Variants in SEMA3C observed in about 807,000 individuals in gnomAD.
The protein encoded by SEMA3C is semaphorin 3C.
In SEMA3C, 47 loss-of-function variants were observed where a neutral mutation model predicts 89.4. That is an observed-to-expected ratio of 0.53 (90% CI 0.42 to 0.67). The LOEUF is 0.67. Ranked by LOEUF, SEMA3C falls within the 30% of genes least tolerant of loss-of-function variation. SEMA3C has a pLI of 0.00. For missense variants in SEMA3C, 839 were observed against 929.1 expected (o/e 0.90, Z 1.26); for synonymous variants, 310 against 320.2 (o/e 0.97, Z 0.34).
At chr7:80,863,825 G>GATATAT (rs1414021930) in intron 2 of SEMA3C, among the ~76,000 whole-genome samples, 3 of 103,498 alleles carry the variant, frequency 2.9e-5, no homozygotes, top group Non-Finnish European at 5.4e-5. Flanking sequence ...ATATATATGT[G>GATATAT]ATATGTGATA....
intron 5 of SEMA3C, among the ~76,000 whole-genome samples, chr7:80,811,886 T>A (rs17154479): frequency 0.014 from 2,117 of 152,244 alleles, 61 homozygotes; most frequent in Admixed American, 0.068. Context: ...ATTTATATAG[T>A]CGCAATCAAC....
At chr7:80,863,895 C>CGTG (rs1790854080) in intron 2 of SEMA3C, among the ~76,000 whole-genome samples, 1 of 126,502 alleles carries the variant, frequency 7.9e-6, no homozygotes, top group Admixed American at 7.7e-5. Context: ...ATATATCACA[C>CGTG]ATATATTACA....
At chr7:80,881,017 C>T (rs1254815417) in intron 2 of SEMA3C, among the ~76,000 whole-genome samples, 1 of 152,006 alleles carries the variant, frequency 6.6e-6, no homozygotes, top group Non-Finnish European at 1.5e-5. Context: ...GCAAATATTC[C>T]ATCACAATTA....
chr7:80,801,950 A>G (rs73137738), intron 9 of SEMA3C, among the ~76,000 whole-genome samples: 11,580 of 152,178 alleles, frequency 0.076, 471 homozygotes, highest in Non-Finnish European at 0.098. Flanking sequence ...GGTAACACAG[A>G]TTTATAACTT....
intron 12 of SEMA3C, among the ~76,000 whole-genome samples, chr7:80,785,290 C>T (rs1190399691): frequency 6.6e-6 from 1 of 152,174 alleles, no homozygotes; most frequent in African/African-American, 2.4e-5. Context: ...ATCCTATTTG[C>T]ATTCCAATGA....
chr7:80,765,251 A>T lies in SEMA3C; in HGVS notation c.1355-8T>A, dbSNP rs772719280. 14 of 1,597,740 alleles carry T rather than the reference A, an allele frequency of 8.8e-6. No individual in the cohort carries two copies. In the African/African-American group the frequency reaches 1.6e-4, roughly 19 times the overall value. ...TTTGCACAGTACCCCGATCTAAATT[A>T]AAAAAAGAAGAAATGAGATGTTACA... On this transcript the variant is annotated splice_region_variant and splice_polypyrimidine_tract_variant and intron_variant, in intron 12 of 17. Coordinates refer to ENST00000265361, the MANE Select transcript of SEMA3C (RefSeq NM_006379.5).
chr7:80,911,269 A>C (rs890947485), intron 2 of SEMA3C, among the ~76,000 whole-genome samples: 1 of 152,192 alleles, frequency 6.6e-6, no homozygotes, highest in Admixed American at 6.5e-5. Context: ...TCTTAAAACT[A>C]ATTCTCATGG....
At chr7:80,821,686 CATTT>C (rs145474791) in intron 4 of SEMA3C, among the ~76,000 whole-genome samples, 11,469 of 152,200 alleles carry the variant, frequency 0.075, 454 homozygotes, top group Non-Finnish European at 0.097. Flanking sequence ...GTTTTTGTAA[CATTT>C]ATTAATATTC....
chr7:80,834,655 G>C (rs577513312), intron 2 of SEMA3C, among the ~76,000 whole-genome samples: 4 of 152,212 alleles, frequency 2.6e-5, no homozygotes, highest in Admixed American at 6.6e-5. Flanking sequence ...TCAAAAATGT[G>C]AACTTGATAA....
At chr7:80,815,409 G>C (rs899499898) in intron 5 of SEMA3C, among the ~76,000 whole-genome samples, 1 of 151,758 alleles carries the variant, frequency 6.6e-6, no homozygotes, top group African/African-American at 2.4e-5. Flanking sequence ...ATAGAGATTA[G>C]GAGCACAAAA....
intron 11 of SEMA3C, among the ~76,000 whole-genome samples, chr7:80,797,727 C>T (rs1010284521): frequency 4.5e-4 from 68 of 152,206 alleles, no homozygotes; most frequent in African/African-American, 1.5e-3. Flanking sequence ...AGGCCGGGTG[C>T]GGTGGCTCAC....
chr7:80,822,283 G>C (rs1054971787), intron 4 of SEMA3C, among the ~76,000 whole-genome samples: 3 of 151,868 alleles, frequency 2.0e-5, no homozygotes, highest in African/African-American at 7.3e-5. Context: ...GCTGATCTAG[G>C]GGTAAAGATT....
Position 80,744,217 on chromosome 7 carries a change from A to T in SEMA3C, c.*677T>A, listed in dbSNP as rs900141358. On this transcript the variant is annotated 3_prime_UTR_variant, in exon 18 of 18. Coordinates refer to ENST00000265361, the MANE Select transcript of SEMA3C (RefSeq NM_006379.5). ...TAAACCAAACTGCTTCACTGATATA[A>T]CTCCCACCAAATATCTTCATGGGGT... The T allele has an allele frequency of 5.3e-5, 8 of 152,088 alleles. No individual in the cohort carries two copies. The highest frequency in any genetic ancestry group is 1.9e-4 in the African/African-American group (8 of 41,402). The allele number at this position is 152,088 out of a possible 1,614,324, so 9.4% of individuals were successfully genotyped here.
At chr7:80,779,380 T>C (rs1381039833) in intron 12 of SEMA3C, among the ~76,000 whole-genome samples, 1 of 152,218 alleles carries the variant, frequency 6.6e-6, no homozygotes, top group Non-Finnish European at 1.5e-5. Flanking sequence ...ATCTGATTGC[T>C]GATTCTCTCT....
At chr7:80,837,250 C>T (rs1300800679) in intron 2 of SEMA3C, among the ~76,000 whole-genome samples, 1 of 152,168 alleles carries the variant, frequency 6.6e-6, no homozygotes, top group Non-Finnish European at 1.5e-5. Flanking sequence ...GATGTTAACA[C>T]ATAGGAATGC....
At chr7:80,785,033 A>G (rs1189022334) in intron 12 of SEMA3C, among the ~76,000 whole-genome samples, 2 of 151,722 alleles carry the variant, frequency 1.3e-5, no homozygotes, top group Non-Finnish European at 2.9e-5. Flanking sequence ...TCCTCCCTCC[A>G]TTTTTTCCTT....
chr7:80,751,403 A>G, intron 15 of SEMA3C, 67 bp from the exon 16 acceptor site: 1 of 1,417,232 alleles, frequency 7.1e-7, no homozygotes, highest in South Asian at 1.2e-5. Flanking sequence ...CTCTTAAAAC[A>G]CTGTAATTTT....
intron 9 of SEMA3C, among the ~76,000 whole-genome samples, chr7:80,801,923 G>A (rs149025448): frequency 0.014 from 2,091 of 152,098 alleles, 25 homozygotes; most frequent in Non-Finnish European, 0.021. Context: ...ATTAGAATCA[G>A]TAAATTTTTT....
chr7:80,832,330 A>C (rs1023762887), intron 2 of SEMA3C, among the ~76,000 whole-genome samples: 1 of 152,190 alleles, frequency 6.6e-6, no homozygotes, highest in Non-Finnish European at 1.5e-5. Flanking sequence ...TCATCTATAC[A>C]TTGGCAATAA....
Sources: allele counts gnomAD v4.1 joint callset (sites outside exome capture counted in the v4.1 genomes callset), GRCh38; gene constraint gnomAD v4.1.1; transcripts MANE v1.5; gene names NCBI Gene and HGNC (gene_info 2026-07-23, HGNC 2026-07-21).